The following ANO1 variants were observed in gnomAD, a reference collection of about 807,000 sequenced individuals.
ANO1 encodes the protein anoctamin-1.
In ANO1, 59 loss-of-function variants were observed where a neutral mutation model predicts 124.0. The ratio of observed to expected loss-of-function variants is 0.48; its 90% CI spans 0.39 to 0.59. ANO1 has a LOEUF of 0.59. ANO1 is among the 20% of genes least tolerant of loss of function. ANO1 has a pLI of 0.00. For synonymous variants in ANO1, 529 were observed against 532.0 expected (o/e 0.99, Z 0.08); for missense variants, 1,059 against 1,328.0 (o/e 0.80, Z 3.15).
At chr11:69,988,029 C>T (rs1856082456) in intron 1 of ANO1, among the ~76,000 whole-genome samples, 2 of 152,298 alleles carry the variant, frequency 1.3e-5, no homozygotes, top group African/African-American at 4.8e-5. Context: ...GACCCCAGGA[C>T]GGGTGTCCCA....
Position 70,108,405 on chromosome 11 carries a change from G to A in ANO1, c.799+1G>A, listed in dbSNP as rs1856580387. 6.2e-7 allele frequency: 1 copy of A among 1,611,410 alleles called. No individual in the cohort carries two copies. The highest frequency in any genetic ancestry group is 8.5e-7 in the Non-Finnish European group (1 of 1,178,144). On this transcript the variant is annotated splice_donor_variant, in intron 6 of 25. Transcript: ENST00000355303. LOFTEE classifies it high-confidence loss of function. The stretch of plus-strand genomic sequence containing the variant: ...TGTACAAAGGCCAAGTACAGCATGG[G>A]TAAGCACGTTTTTGGGGCTTGAGAT...
intron 1 of ANO1, among the ~76,000 whole-genome samples, chr11:70,061,492 CTCTT>C (rs1471094242): frequency 6.8e-6 from 1 of 146,006 alleles, no homozygotes; most frequent in Non-Finnish European, 1.5e-5. Context: ...CTCCCCCTCT[CTCTT>C]TCTCTCTCTC....
At chr11:70,186,184 G>A (rs1349795561) in intron 25 of ANO1, among the ~76,000 whole-genome samples, 1 of 152,068 alleles carries the variant, frequency 6.6e-6, no homozygotes. Flanking sequence ...CTACTCAGGA[G>A]GCTGAGGCAA....
At chr11:69,998,932 G>A (rs1298138089) in intron 1 of ANO1, among the ~76,000 whole-genome samples, 2 of 150,984 alleles carry the variant, frequency 1.3e-5, no homozygotes, top group Non-Finnish European at 2.9e-5. Flanking sequence ...TGGGCAACAA[G>A]AGCAAAACTC....
chr11:70,037,561 C>G (rs1555004536), intron 1 of ANO1, among the ~76,000 whole-genome samples: 1 of 152,072 alleles, frequency 6.6e-6, no homozygotes, highest in African/African-American at 2.4e-5. Context: ...TGGGAAAACA[C>G]AACCTTCAAG....
chr11:69,978,642 C>T, the ANO1 span, among the ~76,000 whole-genome samples: 1 of 152,182 alleles, frequency 6.6e-6, no homozygotes, highest in East Asian at 1.9e-4. Flanking sequence ...TAAGCTACCG[C>T]ACCCTGCCCA....
In ANO1 at chr11:70,088,985, G is replaced by A. The variant is rs1043730858; in HGVS notation, c.441+901G>A. Reference sequence around the variant, plus strand: ...CCCCCCTCGAGTGCCTGGCTGCTGCGGGGCCGAGGGTGCAGCTGTGTGCAG... The same window carrying A: ...CCCCCCTCGAGTGCCTGGCTGCTGCAGGGCCGAGGGTGCAGCTGTGTGCAG... On this transcript the variant is annotated intron_variant, in intron 2 of 25. Coordinates refer to ENST00000355303, the MANE Select transcript of ANO1 (RefSeq NM_018043.7). 5.3e-5 allele frequency among the ~76,000 whole-genome samples: 8 copies of A among 152,208 alleles called. No homozygotes were observed. In the South Asian group the frequency reaches 6.2e-4, roughly 12 times the overall value.
chr11:70,084,116 A>G (rs2135198714), intron 1 of ANO1, among the ~76,000 whole-genome samples: 1 of 152,218 alleles, frequency 6.6e-6, no homozygotes, highest in Non-Finnish European at 1.5e-5. Context: ...GGAGGAGATG[A>G]GGAGGAATAG....
At chr11:70,004,448 G>T (rs554106763) in intron 1 of ANO1, among the ~76,000 whole-genome samples, 1 of 152,212 alleles carries the variant, frequency 6.6e-6, no homozygotes, top group African/African-American at 2.4e-5. Flanking sequence ...GGGAGGTACT[G>T]CTCCTTCCCC....
chr11:70,055,741 T>C (rs544765428), intron 1 of ANO1, among the ~76,000 whole-genome samples: 29 of 152,260 alleles, frequency 1.9e-4, no homozygotes, highest in Admixed American at 1.4e-3. Flanking sequence ...ATTTGTTTTT[T>C]GGACTTTTTC....
At chr11:70,047,324 A>G (rs373743931) in intron 1 of ANO1, among the ~76,000 whole-genome samples, 30 of 152,268 alleles carry the variant, frequency 2.0e-4, no homozygotes, top group African/African-American at 7.0e-4. Context: ...TTATTTTTCT[A>G]TAAACCCAAA....
intron 9 of ANO1, among the ~76,000 whole-genome samples, chr11:70,125,663 C>T (rs1347619309): frequency 6.6e-6 from 1 of 150,578 alleles, no homozygotes; most frequent in African/African-American, 2.4e-5. Context: ...GCTAACACGG[C>T]GAAACTCCAT....
chr11:69,977,639 G>A, the ANO1 span, among the ~76,000 whole-genome samples: 1 of 152,248 alleles, frequency 6.6e-6, no homozygotes, highest in Non-Finnish European at 1.5e-5. Context: ...CGTCCTAAGG[G>A]GGACAGTGCC....
At chr11:70,085,518 G>C in intron 1 of ANO1, 2 of 1,536,010 alleles carry the variant, frequency 1.3e-6, no homozygotes, top group Non-Finnish European at 1.7e-6. Flanking sequence ...GCCGGCACCA[G>C]ATGCTGACCA....
rs566560776 is a variant in ANO1, at chr11:70,170,903, C to T, written c.2214C>T (p.Phe738=). Residue 738 remains phenylalanine (F), a synonymous_variant, in exon 22 of 26, where the codon TTC becomes TTT. Coordinates refer to ENST00000355303, the MANE Select transcript of ANO1 (RefSeq NM_018043.7). ...TCTCTGCAGTCATCCAGTTTGGCTT[C>T]GTCACCCTGTTTGTCGCCTCCTTCC... ...EYMEMIIQFG[F]VTLFVASFPL... 40 of 1,613,310 alleles carry T rather than the reference C, an allele frequency of 2.5e-5. No individual in the cohort carries two copies. Among genetic ancestry groups the T allele is most frequent in the East Asian group, 2.5e-4 (11 of 44,860 alleles).
intron 1 of ANO1, among the ~76,000 whole-genome samples, chr11:70,022,392 A>G (rs190490924): frequency 6.6e-6 from 1 of 152,134 alleles, no homozygotes; most frequent in South Asian, 2.1e-4. Flanking sequence ...TGAGGTCAGG[A>G]GTTCAAGACC....
Position 70,095,396 on chromosome 11 carries a change from AAGAAAGAAAGAAAGAAAGAAAG to A in ANO1, c.441+7314_441+7335del, listed in dbSNP as rs1294701297. On this transcript the variant is annotated intron_variant, in intron 2 of 25. Transcript: ENST00000355303. ...AAAGAAAGAAAGAAAGAAAGAAAGAAAGAAAGAAAGAAAGAAAGAAAGAAAGAAAGAAAAGAAAAGAAAGAAA... is the reference window on the plus strand; with the variant it reads ...AAAGAAAGAAAGAAAGAAAGAAAGAAAAAGAAAGAAAAGAAAAGAAAGAAA... Among the ~76,000 whole-genome samples, 2 of 42,376 alleles carry A rather than the reference AAGAAAGAAAGAAAGAAAGAAAG, an allele frequency of 4.7e-5. 1 individual carries two copies. The highest frequency in any genetic ancestry group is 1.1e-4 in the African/African-American group (2 of 17,696). The allele number at this position is 42,376 out of a possible 152,430, so 27.8% of individuals were successfully genotyped here. A position where few individuals can be genotyped will look rare whatever the true frequency, so the allele number is the denominator to read the frequency against.
Position 70,189,248 on chromosome 11 carries a change from T to C in ANO1, c.*1244T>C, listed in dbSNP as rs1473707320. 2.0e-5 allele frequency: 3 copies of C among 152,748 alleles called. No individual in the cohort carries two copies. The East Asian group carries it at 5.8e-4, about 29-fold the overall frequency. 9.5% of individuals were successfully genotyped at this position (152,748 alleles called of 1,614,324 possible). A position where few individuals can be genotyped will look rare whatever the true frequency, so the allele number is the denominator to read the frequency against. Reference sequence around the variant, plus strand: ...AATAGAAATAAATTTGTCTTGAAGATCTCATTGATGTGATGTTACATTCCC... The same window carrying C: ...AATAGAAATAAATTTGTCTTGAAGACCTCATTGATGTGATGTTACATTCCC... On this transcript the variant is annotated 3_prime_UTR_variant, in exon 26 of 26. Coordinates refer to ENST00000355303, the MANE Select transcript of ANO1 (RefSeq NM_018043.7).
At chr11:69,970,148 G>A in the ANO1 span, among the ~76,000 whole-genome samples, 1 of 152,194 alleles carries the variant, frequency 6.6e-6, no homozygotes, top group Non-Finnish European at 1.5e-5. Flanking sequence ...CAAACAGGAA[G>A]AGAGGAAGGG....
Sources: allele counts gnomAD v4.1 joint callset (sites outside exome capture counted in the v4.1 genomes callset), GRCh38; gene constraint gnomAD v4.1.1; transcripts MANE v1.5; gene names NCBI Gene and HGNC (gene_info 2026-07-23, HGNC 2026-07-21).